Variants in KHDRBS2 observed in about 807,000 individuals in gnomAD.
KHDRBS2 encodes the protein KH RNA binding domain containing, signal transduction associated 2, also known as KH domain-containing, RNA-binding, signal transduction-associated protein 2.
A neutral mutation model predicts 44.3 loss-of-function variants in KHDRBS2; 26 were observed. The ratio of observed to expected loss-of-function variants is 0.59; its 90% CI spans 0.43 to 0.81. The LOEUF is 0.81. Ranked by LOEUF, KHDRBS2 falls within the 40% of genes least tolerant of loss-of-function variation. The probability of loss-of-function intolerance (pLI) is 0.00; values close to 1 mark genes in which losing one functional copy is unlikely to be tolerated. For synonymous variants in KHDRBS2, 194 were observed against 151.1 expected, an observed-to-expected ratio of 1.28 and a Z score of -2.08; for missense variants, 476 against 433.1, an observed-to-expected ratio of 1.10 and a Z score of -0.88.
In KHDRBS2 at chr6:62,065,782, A is replaced by T. The variant is rs542739435; in HGVS notation, c.220-17788T>A. On this transcript the variant is annotated intron_variant, in intron 2 of 8. Coordinates refer to ENST00000281156, the MANE Select transcript of KHDRBS2 (RefSeq NM_152688.4). ...CATGTACCCTAAAACTTAAAGTATAAAAAAAAAAAAAGAATGATCCATGTT... is the reference window on the plus strand; with the variant it reads ...CATGTACCCTAAAACTTAAAGTATATAAAAAAAAAAAGAATGATCCATGTT... Among the ~76,000 whole-genome samples, 45 of 129,722 alleles carry T rather than the reference A, an allele frequency of 3.5e-4. 1 individual carries two copies. Among genetic ancestry groups the T allele is most frequent in the East Asian group, 1.0e-3 (5 of 4,990 alleles). 85.1% of individuals were successfully genotyped at this position (129,722 alleles called of 152,430 possible).
intron 2 of KHDRBS2, among the ~76,000 whole-genome samples, chr6:62,126,144 GC>G (rs1334726030): frequency 6.6e-6 from 1 of 152,182 alleles, no homozygotes; most frequent in East Asian, 1.9e-4. Flanking sequence ...AGGCCTGGCA[GC>G]ATTTACCACA....
intron 6 of KHDRBS2, among the ~76,000 whole-genome samples, chr6:61,796,043 C>T (rs772115496): frequency 5.3e-5 from 8 of 151,968 alleles, no homozygotes; most frequent in African/African-American, 1.9e-4. Flanking sequence ...AATCTGACCC[C>T]AATCAATTGT....
chr6:62,154,608 G>C (rs1815961417), intron 2 of KHDRBS2, among the ~76,000 whole-genome samples: 1 of 152,000 alleles, frequency 6.6e-6, no homozygotes, highest in South Asian at 2.1e-4. Context: ...TCATCTTAGA[G>C]TTGAGACATA....
At chr6:61,592,188 C>CAAAA in the KHDRBS2 span, among the ~76,000 whole-genome samples, 804 of 121,962 alleles carry the variant, frequency 6.6e-3, 6 homozygotes, top group Middle Eastern at 0.028. Flanking sequence ...AAGATCCCAC[C>CAAAA]AAAAAAAAAA....
At chr6:61,878,570 G>A (rs1041796006) in intron 6 of KHDRBS2, among the ~76,000 whole-genome samples, 1 of 151,998 alleles carries the variant, frequency 6.6e-6, no homozygotes, top group Non-Finnish European at 1.5e-5. Flanking sequence ...TTCTGCTGCT[G>A]GTTGCCCAGA....
At chr6:62,259,649 A>T (rs1838006878) in intron 1 of KHDRBS2, among the ~76,000 whole-genome samples, 1 of 151,978 alleles carries the variant, frequency 6.6e-6, no homozygotes, top group South Asian at 2.1e-4. Flanking sequence ...ATTGAAAATA[A>T]TAAATCTTGC....
At chr6:61,926,009 T>C (rs1395813243) in intron 4 of KHDRBS2, among the ~76,000 whole-genome samples, 1 of 152,156 alleles carries the variant, frequency 6.6e-6, no homozygotes, top group South Asian at 2.1e-4. Context: ...GACATTGAGA[T>C]AAAATGTATG....
intron 6 of KHDRBS2, among the ~76,000 whole-genome samples, chr6:61,758,660 A>G (rs758504057): frequency 2.0e-5 from 3 of 152,072 alleles, no homozygotes; most frequent in Non-Finnish European, 4.4e-5. Flanking sequence ...AGAGTACATA[A>G]CTTTTCCAAA....
intron 1 of KHDRBS2, among the ~76,000 whole-genome samples, chr6:62,254,855 T>TATAAAAGG (rs1837113785): frequency 2.0e-5 from 3 of 152,046 alleles, no homozygotes; most frequent in Admixed American, 2.0e-4. Context: ...ACGGAGGGAT[T>TATAAAAGG]ATAAAAGGAT....
the KHDRBS2 span, among the ~76,000 whole-genome samples, chr6:61,575,984 A>T: frequency 6.6e-6 from 1 of 152,136 alleles, no homozygotes; most frequent in Admixed American, 6.6e-5. Context: ...GGGATAAAAT[A>T]CTACACATTA....
intron 6 of KHDRBS2, among the ~76,000 whole-genome samples, chr6:61,790,393 C>T (rs1201065993): frequency 6.9e-6 from 1 of 145,904 alleles, no homozygotes; most frequent in Non-Finnish European, 1.5e-5. Context: ...TCACAGTACA[C>T]CTTACTTGGG....
At chr6:62,209,256 C>A (rs1191419376) in intron 1 of KHDRBS2, among the ~76,000 whole-genome samples, 2 of 151,636 alleles carry the variant, frequency 1.3e-5, no homozygotes, top group South Asian at 2.1e-4. Context: ...TTTTCAATAT[C>A]TCTTTCCCCT....
In KHDRBS2 at chr6:61,831,750, C is replaced by A. The variant is rs534228568; in HGVS notation, c.810+62885G>T. On this transcript the variant is annotated intron_variant, in intron 6 of 8. Transcript: ENST00000281156. The stretch of plus-strand genomic sequence containing the variant: ...ATACAATTATATTAAGAAAACAATT[C>A]CTTTTTGGCAAAGAAAATGAAATTA... Among the ~76,000 whole-genome samples the A allele has an allele frequency of 3.3e-5, 5 of 151,992 alleles. No individual in the cohort carries two copies. The East Asian group carries it at 9.7e-4, about 29-fold the overall frequency.
chr6:62,085,990 T>C (rs1484188306), intron 2 of KHDRBS2, among the ~76,000 whole-genome samples: 3 of 152,120 alleles, frequency 2.0e-5, no homozygotes, highest in African/African-American at 4.8e-5. Flanking sequence ...TGAAGACTGG[T>C]GATGACTGAG....
At chr6:61,721,631 T>C (rs1188551721) in intron 7 of KHDRBS2, among the ~76,000 whole-genome samples, 2 of 125,574 alleles carry the variant, frequency 1.6e-5, no homozygotes, top group South Asian at 2.5e-4. Flanking sequence ...ATTGATTTTG[T>C]ATCCTGAGAC....
At position 61,715,313 on chromosome 6, in the gene KHDRBS2, G is replaced by A. The variant is rs559480190; in HGVS notation, c.893+17369C>T. On this transcript the variant is annotated intron_variant, in intron 7 of 8. Coordinates refer to ENST00000281156, the MANE Select transcript of KHDRBS2 (RefSeq NM_152688.4). ...ATGATTTTTTCCAAACATGAATTTG[G>A]TCTTGCTAAATTCTAGGTTTGATGA... Among the ~76,000 whole-genome samples, 3 of 151,982 alleles carry A rather than the reference G, an allele frequency of 2.0e-5. No individual in the cohort carries two copies. The South Asian group carries it at 6.2e-4, about 31-fold the overall frequency.
At chr6:61,869,970 T>TG (rs1406756022) in intron 6 of KHDRBS2, among the ~76,000 whole-genome samples, 30 of 110,952 alleles carry the variant, frequency 2.7e-4, no homozygotes, top group South Asian at 7.4e-4. Context: ...GAGTGTTTTT[T>TG]TTTTTTTTTT....
intron 2 of KHDRBS2, among the ~76,000 whole-genome samples, chr6:62,104,221 C>A (rs1199793998): frequency 6.6e-6 from 1 of 152,194 alleles, no homozygotes; most frequent in African/African-American, 2.4e-5. Context: ...TCAAAAACAG[C>A]ATATACACAT....
intron 2 of KHDRBS2, among the ~76,000 whole-genome samples, chr6:62,059,616 A>T (rs2127324588): frequency 6.6e-6 from 1 of 151,892 alleles, no homozygotes; most frequent in South Asian, 2.1e-4. Context: ...CAGGAACAAA[A>T]ACGTTAGAGA....
Sources: allele counts gnomAD v4.1 joint callset (sites outside exome capture counted in the v4.1 genomes callset), GRCh38; gene constraint gnomAD v4.1.1; transcripts MANE v1.5; gene names NCBI Gene and HGNC (gene_info 2026-07-23, HGNC 2026-07-21).